NRXN3: variants seen among roughly 807,000 people sequenced by gnomAD.
NRXN3 encodes neurexin 3.
Under a neutral mutation model 137.6 loss-of-function variants are expected in NRXN3, and 32 were observed. That is an observed-to-expected ratio of 0.23 (90% confidence interval 0.18 to 0.31). The LOEUF (loss-of-function observed/expected upper bound fraction) is 0.31, where lower values mean the gene tolerates loss of function less well. NRXN3 is among the 10% of genes least tolerant of loss of function. The pLI, the probability that NRXN3 is intolerant of heterozygous loss-of-function variation, is 1.00. For synonymous variants in NRXN3, 798 were observed against 784.5 expected, an observed-to-expected ratio of 1.02 and a Z score of -0.29; for missense variants, 1,574 against 2,062.5, an observed-to-expected ratio of 0.76 and a Z score of 4.59.
At chr14:79,038,738 C>T (rs1030753304) in intron 15 of NRXN3, among the ~76,000 whole-genome samples, 9 of 152,102 alleles carry the variant, frequency 5.9e-5, no homozygotes, top group African/African-American at 2.2e-4. Flanking sequence ...AGAAAGGAGC[C>T]TTATTTACAT....
At chr14:79,577,825 G>C (rs1208282840) in intron 16 of NRXN3, among the ~76,000 whole-genome samples, 1 of 152,182 alleles carries the variant, frequency 6.6e-6, no homozygotes, top group East Asian at 1.9e-4. Context: ...ATCAATACAG[G>C]ATCAGGATAG....
intron 2 of NRXN3, among the ~76,000 whole-genome samples, chr14:78,258,938 C>A (rs1004837745): frequency 6.6e-6 from 1 of 152,062 alleles, no homozygotes; most frequent in Non-Finnish European, 1.5e-5. Flanking sequence ...TGAGACCAGC[C>A]TGGCCAACAT....
At chr14:78,974,975 C>T (rs1316348181) in intron 14 of NRXN3, among the ~76,000 whole-genome samples, 1 of 151,982 alleles carries the variant, frequency 6.6e-6, no homozygotes. Context: ...CAGCTTAAGT[C>T]CTCTTGTTAT....
intron 15 of NRXN3, among the ~76,000 whole-genome samples, chr14:79,100,327 G>C (rs2202180): frequency 6.6e-6 from 1 of 151,794 alleles, no homozygotes; most frequent in East Asian, 1.9e-4. Flanking sequence ...ATCCCCGATC[G>C]TCTCTTTCTT....
chr14:78,541,024 G>A (rs943676658), intron 4 of NRXN3, among the ~76,000 whole-genome samples: 4 of 152,092 alleles, frequency 2.6e-5, no homozygotes, highest in Admixed American at 2.6e-4. Flanking sequence ...TGGGTAACTC[G>A]GCTTTTCTCT....
At chr14:78,266,396 T>G (rs2071712672) in intron 2 of NRXN3, among the ~76,000 whole-genome samples, 1 of 152,062 alleles carries the variant, frequency 6.6e-6, no homozygotes, top group South Asian at 2.1e-4. Context: ...ACTCCCTGGT[T>G]CAAGCAATTC....
intron 19 of NRXN3, among the ~76,000 whole-genome samples, chr14:79,705,153 T>C (rs2098772263): frequency 6.6e-6 from 1 of 152,158 alleles, no homozygotes; most frequent in South Asian, 2.1e-4. Context: ...CTGGCTCTTA[T>C]TTCTAGGCAT....
chr14:78,474,119 G>A (rs934932427), intron 4 of NRXN3, among the ~76,000 whole-genome samples: 19 of 152,268 alleles, frequency 1.2e-4, no homozygotes, highest in Middle Eastern at 3.4e-3. Flanking sequence ...ATGTCCATCT[G>A]TAATATTAGT....
intron 15 of NRXN3, among the ~76,000 whole-genome samples, chr14:79,096,510 T>G (rs1008185203): frequency 6.6e-6 from 1 of 152,152 alleles, no homozygotes; most frequent in Non-Finnish European, 1.5e-5. Context: ...CACTAATAAC[T>G]ATGAGACTGC....
chr14:78,580,862 TA>T (rs1219736820), intron 4 of NRXN3, among the ~76,000 whole-genome samples: 5 of 152,228 alleles, frequency 3.3e-5, no homozygotes, highest in Non-Finnish European at 7.3e-5. Flanking sequence ...GGAATGGAGT[TA>T]CCTGATCTGG....
intron 4 of NRXN3, among the ~76,000 whole-genome samples, chr14:78,511,353 G>T (rs766928488): frequency 1.3e-5 from 2 of 152,124 alleles, no homozygotes; most frequent in African/African-American, 2.4e-5. Flanking sequence ...ATTAATCACA[G>T]ATATCTGCTT....
Position 79,637,448 on chromosome 14 carries a change from T to C in NRXN3, c.3445-26330T>C, listed in dbSNP as rs541697838. Among the ~76,000 whole-genome samples the C allele has an allele frequency of 9.9e-5, 15 of 152,068 alleles. 1 individual carries two copies. The highest frequency in any genetic ancestry group is 6.2e-4 in the South Asian group (3 of 4,818). ...ATATTTGAGGTGGTTGTAGCAATAG[T>C]GGAGGGAGAGCAGCAAGGATGGACA... On this transcript the variant is annotated intron_variant, in intron 16 of 20. Transcript: ENST00000335750.
rs2099411395 is a variant in NRXN3 at position 78,963,140 on chromosome 14, TCA to T, written c.2396-2884_2396-2883del. On this transcript the variant is annotated intron_variant, in intron 11 of 20. Transcript: ENST00000335750. Reference sequence around the variant, plus strand: ...TTCTTGTACTTATCCACATCCACGCTCAGTCTCTCTGCTATCTCAATAAACAC... The same window carrying T: ...TTCTTGTACTTATCCACATCCACGCTGTCTCTCTGCTATCTCAATAAACAC... Among the ~76,000 whole-genome samples, 3 of 151,550 alleles carry T rather than the reference TCA, an allele frequency of 2.0e-5. No individual in the cohort carries two copies. In the South Asian group the frequency reaches 6.2e-4, roughly 32 times the overall value.
intron 15 of NRXN3, among the ~76,000 whole-genome samples, chr14:79,117,012 C>T (rs1596136376): frequency 6.6e-6 from 1 of 152,132 alleles, no homozygotes; most frequent in African/African-American, 2.4e-5. Context: ...AATTGACATA[C>T]CTTTATCTAC....
chr14:79,181,232 T>C (rs2062893537), intron 15 of NRXN3, among the ~76,000 whole-genome samples: 1 of 152,120 alleles, frequency 6.6e-6, no homozygotes, highest in African/African-American at 2.4e-5. Flanking sequence ...TCAGATGATT[T>C]CCCTTTTCTG....
chr14:79,773,746 T>C (rs1284759577), intron 19 of NRXN3, among the ~76,000 whole-genome samples: 2 of 149,504 alleles, frequency 1.3e-5, no homozygotes, highest in Non-Finnish European at 3.0e-5. Flanking sequence ...ACCTGCACAA[T>C]GTGCACATGT....
chr14:78,844,953 A>T lies in NRXN3; in HGVS notation c.2275+34609A>T, dbSNP rs988285351. Among the ~76,000 whole-genome samples, 52 of 149,592 alleles carry T rather than the reference A, an allele frequency of 3.5e-4. 1 individual carries two copies. The highest frequency in any genetic ancestry group is 3.0e-5 in the Non-Finnish European group (2 of 67,666). The stretch of plus-strand genomic sequence containing the variant: ...CTCTGTCTGCTTTCCACTGCTTCAT[A>T]ACCACTAGCACATTTTGAAACATAT... On this transcript the variant is annotated intron_variant, in intron 10 of 20. Transcript: ENST00000335750.
At chr14:79,735,834 G>C (rs916206928) in intron 19 of NRXN3, among the ~76,000 whole-genome samples, 7 of 152,142 alleles carry the variant, frequency 4.6e-5, no homozygotes, top group African/African-American at 1.7e-4. Flanking sequence ...ATCCTGCTCA[G>C]TTCCCTGCCC....
intron 10 of NRXN3, among the ~76,000 whole-genome samples, chr14:78,921,112 C>G (rs919077012): frequency 1.3e-5 from 2 of 152,180 alleles, no homozygotes; most frequent in African/African-American, 4.8e-5. Context: ...CATCCTAAAG[C>G]AAAAAGCTAC....
Sources: allele counts gnomAD v4.1 joint callset (sites outside exome capture counted in the v4.1 genomes callset), GRCh38; gene constraint gnomAD v4.1.1; transcripts MANE v1.5; gene names NCBI Gene and HGNC (gene_info 2026-07-23, HGNC 2026-07-21).